The following JPH3 variants were observed in gnomAD, a reference collection of about 807,000 sequenced individuals.
The protein encoded by JPH3 is junctophilin-3.
JPH3 carries 11 observed loss-of-function variants against 59.6 expected under a neutral mutation model. That is an observed-to-expected ratio of 0.18 (90% CI 0.12 to 0.31). The LOEUF (loss-of-function observed/expected upper bound fraction) is 0.31, where lower values mean the gene tolerates loss of function less well. JPH3 is among the 10% of genes least tolerant of loss of function. JPH3 has a pLI of 1.00. For missense variants in JPH3, 1,202 were observed against 1,105.7 expected, an observed-to-expected ratio of 1.09 and a Z score of -1.24; for synonymous variants, 673 against 483.6, an observed-to-expected ratio of 1.39 and a Z score of -5.14.
At chr16:87,645,073 C>A (rs2032099990) in intron 2 of JPH3, 38 bp downstream of exon 2, 1 of 1,566,854 alleles carries the variant, frequency 6.4e-7, no homozygotes. Flanking sequence ...TTCTTGGTGC[C>A]CAGAAGGTGT....
At chr16:87,633,828 A>G (rs1410986528) in intron 1 of JPH3, among the ~76,000 whole-genome samples, 1 of 152,088 alleles carries the variant, frequency 6.6e-6, no homozygotes, top group Non-Finnish European at 1.5e-5. Context: ...TGTTGGTAGT[A>G]ACGATGTAGG....
Position 87,644,810 on chromosome 16 carries a change from A to G in JPH3, c.935A>G (p.Glu312Gly). The G allele has an allele frequency of 6.2e-7, 1 of 1,613,144 alleles. No individual in the cohort carries two copies. Among genetic ancestry groups the G allele is most frequent in the Non-Finnish European group, 8.5e-7 (1 of 1,179,784 alleles). ...VSQRSDGLKY[E>G]GEWASNRRHG... The stretch of plus-strand genomic sequence containing the variant: ...CAGCGCTCGGACGGGCTCAAGTACG[A>G]GGGCGAGTGGGCCAGCAACCGGCGC... Residue 312 changes from glutamate to glycine, a missense_variant, in exon 2 of 5, where the codon GAG (glutamate) becomes GGG (glycine). By Grantham distance (98) the Glu-to-Gly change is moderately conservative. Transcript: ENST00000284262.
At chr16:87,693,089 C>T (rs975962459) in intron 4 of JPH3, among the ~76,000 whole-genome samples, 1 of 152,266 alleles carries the variant, frequency 6.6e-6, no homozygotes, top group Non-Finnish European at 1.5e-5. Context: ...CACAATACAC[C>T]TGCCTGAGGC....
At chr16:87,672,887 A>T (rs1346387137) in intron 2 of JPH3, among the ~76,000 whole-genome samples, 1 of 152,228 alleles carries the variant, frequency 6.6e-6, no homozygotes, top group Non-Finnish European at 1.5e-5. Context: ...GCTTGTGCCT[A>T]TAATCTCAGC....
chr16:87,656,397 G>T (rs1393387058), intron 2 of JPH3, among the ~76,000 whole-genome samples: 1 of 152,208 alleles, frequency 6.6e-6, no homozygotes, highest in Non-Finnish European at 1.5e-5. Context: ...CATGGCATTT[G>T]TTGGGGGACT....
intron 2 of JPH3, among the ~76,000 whole-genome samples, chr16:87,676,524 A>C (rs1362559939): frequency 1.3e-5 from 2 of 151,992 alleles, no homozygotes; most frequent in Non-Finnish European, 2.9e-5. Flanking sequence ...TCACGAGGTC[A>C]AGAGATCGAG....
chr16:87,673,332 A>T (rs900705745), intron 2 of JPH3, among the ~76,000 whole-genome samples: 2 of 151,482 alleles, frequency 1.3e-5, no homozygotes, highest in African/African-American at 4.9e-5. Context: ...AAAAAAACTG[A>T]TCTACTGAAT....
At chr16:87,605,753 C>T (rs766015354) in intron 1 of JPH3, among the ~76,000 whole-genome samples, 5 of 152,168 alleles carry the variant, frequency 3.3e-5, no homozygotes, top group Non-Finnish European at 7.3e-5. Context: ...ATTCAGGAGT[C>T]CCAGCCTTTG....
chr16:87,659,894 C>T (rs2032645717), intron 2 of JPH3, among the ~76,000 whole-genome samples: 1 of 152,198 alleles, frequency 6.6e-6, no homozygotes, highest in Admixed American at 6.5e-5. Context: ...AGGTTCCCTC[C>T]CCCAGCCTGG....
intron 3 of JPH3, chr16:87,684,482 G>A (rs528609170): frequency 3.0e-6 from 2 of 662,032 alleles, no homozygotes; most frequent in African/African-American, 1.8e-5. Flanking sequence ...GTCTTGGCAG[G>A]TCTCTCCCAT....
At chr16:87,616,580 A>T (rs1204195030) in intron 1 of JPH3, among the ~76,000 whole-genome samples, 2 of 151,690 alleles carry the variant, frequency 1.3e-5, no homozygotes, top group African/African-American at 4.9e-5. Flanking sequence ...TACACTTTTT[A>T]TTTTGAGATC....
rs145973057 is a variant in JPH3, at chr16:87,644,454, C to T, written c.579C>T (p.Arg193=). Residue 193 remains arginine (R), a synonymous_variant, in exon 2 of 5, where the codon CGC becomes CGT. Transcript: ENST00000284262. ...TGGCCGGCAGCCCGGCCGTGTCCCG[C>T]GGGGGCTTCGTGCTCGTGGCCCACA... ...PAVAGSPAVS[R]GGFVLVAHSD... 2.2e-4 allele frequency: 362 copies of T among 1,612,616 alleles called. 1 individual carries two copies. Among genetic ancestry groups the T allele is most frequent in the South Asian group, 9.0e-4 (82 of 91,076 alleles).
intron 2 of JPH3, among the ~76,000 whole-genome samples, chr16:87,681,480 C>T (rs2033292529): frequency 7.9e-6 from 1 of 126,360 alleles, no homozygotes; most frequent in East Asian, 2.4e-4. Flanking sequence ...GTGACAGTGC[C>T]GGGAGGTCAG....
At chr16:87,637,243 C>G (rs774442339) in intron 1 of JPH3, among the ~76,000 whole-genome samples, 14 of 152,244 alleles carry the variant, frequency 9.2e-5, no homozygotes, top group Non-Finnish European at 1.5e-4. Context: ...TTCAGTGGCA[C>G]TAGCACATTC....
chr16:87,629,603 C>T (rs371052927), intron 1 of JPH3, among the ~76,000 whole-genome samples: 57 of 141,686 alleles, frequency 4.0e-4, no homozygotes, highest in African/African-American at 1.2e-3. Flanking sequence ...GGCCACATCC[C>T]GTGGGGTTCC....
intron 1 of JPH3, among the ~76,000 whole-genome samples, chr16:87,642,744 G>T (rs550723651): frequency 6.6e-6 from 1 of 152,362 alleles, no homozygotes; most frequent in East Asian, 1.9e-4. Flanking sequence ...CGTCCTCACG[G>T]TGACCTTTGG....
intron 2 of JPH3, among the ~76,000 whole-genome samples, chr16:87,646,221 C>T (rs903716047): frequency 5.9e-5 from 9 of 152,246 alleles, no homozygotes; most frequent in African/African-American, 1.7e-4. Context: ...AAGTTCAGCC[C>T]ATTTGGTTCT....
chr16:87,649,156 G>A (rs945102467), intron 2 of JPH3, among the ~76,000 whole-genome samples: 15 of 152,170 alleles, frequency 9.9e-5, no homozygotes, highest in African/African-American at 7.2e-5. Flanking sequence ...GTGGCCCCGC[G>A]GAGCTGAGGT....
Position 87,681,663 on chromosome 16 carries a change from C to G in JPH3, c.1161-2479C>G, listed in dbSNP as rs531976743. Among the ~76,000 whole-genome samples, 10 of 151,110 alleles carry G rather than the reference C, an allele frequency of 6.6e-5. No individual in the cohort carries two copies. In the South Asian group the frequency reaches 2.1e-3, roughly 32 times the overall value. On this transcript the variant is annotated intron_variant, in intron 2 of 4. Coordinates refer to ENST00000284262, the MANE Select transcript of JPH3 (RefSeq NM_020655.4). The stretch of plus-strand genomic sequence containing the variant: ...ACAGTGCCGGGAGGTCAGGTGCGCG[C>G]GGTGGTGACAGTTCCGGGAGGTCAG...
Sources: allele counts gnomAD v4.1 joint callset (sites outside exome capture counted in the v4.1 genomes callset), GRCh38; gene constraint gnomAD v4.1.1; transcripts MANE v1.5; gene names NCBI Gene and HGNC (gene_info 2026-07-23, HGNC 2026-07-21).